The following THEMIS variants were observed in gnomAD, a reference collection of about 807,000 sequenced individuals.
THEMIS encodes protein THEMIS.
Under a neutral mutation model 52.6 loss-of-function variants are expected in THEMIS, and 37 were observed. That is an observed-to-expected ratio of 0.70 (90% CI 0.54 to 0.93). The LOEUF (loss-of-function observed/expected upper bound fraction) is 0.93, where lower values mean the gene tolerates loss of function less well. THEMIS is among the 40% of genes least tolerant of loss of function. The pLI is 0.00. For synonymous variants in THEMIS, 292 were observed against 272.7 expected, an observed-to-expected ratio of 1.07 and a Z score of -0.70; for missense variants, 808 against 763.1, an observed-to-expected ratio of 1.06 and a Z score of -0.69.
At chr6:127,735,280 A>G (rs1349342259) in intron 4 of THEMIS, among the ~76,000 whole-genome samples, 1 of 151,820 alleles carries the variant, frequency 6.6e-6, no homozygotes, top group East Asian at 1.9e-4. Context: ...CATCTTGATA[A>G]TTAAAGACTA....
chr6:127,752,464 C>T (rs1425152170), intron 4 of THEMIS, among the ~76,000 whole-genome samples: 1 of 149,042 alleles, frequency 6.7e-6, no homozygotes, highest in East Asian at 1.9e-4. Flanking sequence ...AAAGAGAGAG[C>T]ATTACAAGTG....
intron 4 of THEMIS, among the ~76,000 whole-genome samples, chr6:127,810,290 T>G (rs1425380125): frequency 2.0e-5 from 3 of 152,154 alleles, no homozygotes; most frequent in African/African-American, 7.2e-5. Flanking sequence ...AATTCTGTAT[T>G]GCTAGATACT....
chr6:127,915,982 G>A (rs1053373541), intron 1 of THEMIS, among the ~76,000 whole-genome samples: 6 of 151,968 alleles, frequency 3.9e-5, no homozygotes, highest in East Asian at 1.9e-4. Context: ...GCACCACTCC[G>A]TCTCAAAACT....
chr6:127,799,844 C>T (rs1409415756), intron 4 of THEMIS, among the ~76,000 whole-genome samples: 1 of 152,108 alleles, frequency 6.6e-6, no homozygotes, highest in African/African-American at 2.4e-5. Flanking sequence ...AAGTCATATT[C>T]CCGAAGAAGG....
rs1199692281 is a variant in THEMIS at position 127,709,399 on chromosome 6, T to C, written c.*586A>G. ...CTATGACTCTCAATGGCTTTGGCTG[T>C]TGGAATTCAAACATATTTATGACAC... is the stretch of plus-strand genomic sequence containing the variant. On this transcript the variant is annotated 3_prime_UTR_variant, in exon 6 of 6. Coordinates refer to ENST00000368248, the MANE Select transcript of THEMIS (RefSeq NM_001010923.3). The C allele has an allele frequency of 6.6e-6, 1 of 151,990 alleles. No individual in the cohort carries two copies. The highest frequency in any genetic ancestry group is 1.5e-5 in the Non-Finnish European group (1 of 67,952). The allele number at this position is 151,990 out of a possible 1,614,324, so 9.4% of individuals were successfully genotyped here. A position where few individuals can be genotyped will look rare whatever the true frequency, so the allele number is the denominator to read the frequency against.
intron 2 of THEMIS, among the ~76,000 whole-genome samples, chr6:127,843,937 TG>T (rs1456665922): frequency 6.6e-6 from 1 of 152,006 alleles, no homozygotes; most frequent in Admixed American, 6.6e-5. Context: ...CTCCATTCCC[TG>T]CCTACGGCTT....
intron 2 of THEMIS, among the ~76,000 whole-genome samples, chr6:127,844,380 G>T (rs1411369889): frequency 2.0e-5 from 3 of 151,902 alleles, no homozygotes; most frequent in African/African-American, 7.2e-5. Context: ...GGGTAGTAGA[G>T]GATGTTCCAT....
intron 4 of THEMIS, among the ~76,000 whole-genome samples, chr6:127,743,872 C>G (rs1416113305): frequency 6.6e-6 from 1 of 151,898 alleles, no homozygotes; most frequent in Admixed American, 6.6e-5. Flanking sequence ...AGGTATTTCC[C>G]TAGGTTAAAG....
At chr6:127,867,538 A>G (rs1212126040) in intron 1 of THEMIS, among the ~76,000 whole-genome samples, 1 of 152,124 alleles carries the variant, frequency 6.6e-6, no homozygotes. Context: ...AAAACATTCC[A>G]TTCATTTTAG....
At chr6:127,885,960 C>G (rs189538647) in intron 1 of THEMIS, among the ~76,000 whole-genome samples, 49 of 152,142 alleles carry the variant, frequency 3.2e-4, no homozygotes, top group African/African-American at 1.1e-3. Context: ...TTGGTATCTA[C>G]AGTTTCCCCA....
At chr6:127,890,854 T>C (rs1780782843) in intron 1 of THEMIS, among the ~76,000 whole-genome samples, 1 of 152,082 alleles carries the variant, frequency 6.6e-6, no homozygotes, top group Non-Finnish European at 1.5e-5. Flanking sequence ...TTATTATGTA[T>C]GCTTTGGAAG....
At chr6:127,713,885 G>C (rs1189977778) in intron 5 of THEMIS, among the ~76,000 whole-genome samples, 1 of 151,814 alleles carries the variant, frequency 6.6e-6, no homozygotes. Context: ...CACTTACTCT[G>C]GCTGTTGTGT....
intron 4 of THEMIS, among the ~76,000 whole-genome samples, chr6:127,778,888 A>G (rs1776652351): frequency 6.6e-6 from 1 of 150,632 alleles, no homozygotes; most frequent in Non-Finnish European, 1.5e-5. Context: ...AAGAAATAAT[A>G]CCTATTGGGT....
intron 4 of THEMIS, among the ~76,000 whole-genome samples, chr6:127,784,383 T>G (rs926249957): frequency 6.6e-6 from 1 of 151,874 alleles, no homozygotes; most frequent in Non-Finnish European, 1.5e-5. Context: ...TTAAAGTATA[T>G]GTAAAAAAAA....
chr6:127,765,716 T>C (rs1776173682), intron 4 of THEMIS, among the ~76,000 whole-genome samples: 2 of 152,022 alleles, frequency 1.3e-5, no homozygotes, highest in Admixed American at 6.6e-5. Flanking sequence ...TGTGTTACAA[T>C]TGCCTCCAGT....
intron 4 of THEMIS, chr6:127,807,229 G>C (rs9767314): frequency 0.14 from 26,772 of 187,982 alleles, 2,186 homozygotes; most frequent in African/African-American, 0.22. Context: ...GACGTGGTGG[G>C]GGGTGCCTGT....
intron 1 of THEMIS, among the ~76,000 whole-genome samples, chr6:127,869,057 T>A (rs1278559892): frequency 6.6e-6 from 1 of 152,114 alleles, no homozygotes; most frequent in African/African-American, 2.4e-5. Flanking sequence ...GAATGAACAT[T>A]GCAAGACATT....
chr6:127,787,886 T>TAGATAGAC (rs1777024758), intron 4 of THEMIS, among the ~76,000 whole-genome samples: 1 of 149,644 alleles, frequency 6.7e-6, no homozygotes, highest in Non-Finnish European at 1.5e-5. Context: ...TAGATATAGA[T>TAGATAGAC]AGATAGATAG....
At chr6:127,895,817 T>A (rs1469727698) in intron 1 of THEMIS, among the ~76,000 whole-genome samples, 1 of 151,434 alleles carries the variant, frequency 6.6e-6, no homozygotes, top group African/African-American at 2.4e-5. Flanking sequence ...CAAAGTTACA[T>A]AAAATCTTTA....
Sources: allele counts gnomAD v4.1 joint callset (sites outside exome capture counted in the v4.1 genomes callset), GRCh38; gene constraint gnomAD v4.1.1; transcripts MANE v1.5; gene names NCBI Gene and HGNC (gene_info 2026-07-23, HGNC 2026-07-21).